Variants in CYP2J2 observed in about 807,000 individuals in gnomAD.
CYP2J2 encodes the protein cytochrome P450 2J2.
A neutral mutation model predicts 48.8 loss-of-function variants in CYP2J2; 41 were observed. The observed-to-expected ratio is 0.84, with a 90% CI of 0.66 to 1.09. The LOEUF is 1.09. Ranked by LOEUF, CYP2J2 falls within the 50% of genes least tolerant of loss-of-function variation. The probability of loss-of-function intolerance (pLI) is 0.00; values close to 1 mark genes in which losing one functional copy is unlikely to be tolerated. For missense variants in CYP2J2, 644 were observed against 617.3 expected, an observed-to-expected ratio of 1.04 and a Z score of -0.46; for synonymous variants, 221 against 227.1, an observed-to-expected ratio of 0.97 and a Z score of 0.24.
Position 59,916,026 on chromosome 1 carries a change from G to A in CYP2J2, c.285C>T (p.Pro95=), listed in dbSNP as rs774241241. The change falls in exon 2 of 9, where the codon CCC becomes CCT. Residue 95 remains proline (P), a synonymous_variant. Coordinates refer to ENST00000371204, the MANE Select transcript of CYP2J2 (RefSeq NM_000775.4). ...TGTGGATAAGGGCTTCTTTGATTAA[G>A]GGCAAGCCAGTAATAAGAACTGCAG... ...DISAVLITGL[P]LIKEALIHMD... is the part of the protein sequence containing the mutation. The A allele has an allele frequency of 9.3e-6, 15 of 1,613,886 alleles. No individual in the cohort carries two copies. Among genetic ancestry groups the A allele is most frequent in the East Asian group, 2.2e-5 (1 of 44,886 alleles).
chr1:59,932,130 A>G, the CYP2J2 span, among the ~76,000 whole-genome samples: 1 of 152,148 alleles, frequency 6.6e-6, no homozygotes, highest in South Asian at 2.1e-4. Context: ...AACTGTAAGC[A>G]AATTTAACCT....
the CYP2J2 span, among the ~76,000 whole-genome samples, chr1:59,946,413 C>T: frequency 6.6e-6 from 1 of 152,202 alleles, no homozygotes; most frequent in African/African-American, 2.4e-5. Context: ...TGTAAAACTG[C>T]AACTCCTTTC....
chr1:59,905,782 GC>G (rs1644359694), intron 6 of CYP2J2, among the ~76,000 whole-genome samples: 1 of 152,192 alleles, frequency 6.6e-6, no homozygotes, highest in East Asian at 1.9e-4. Context: ...AGATAGGACT[GC>G]TCCCAGTTTC....
At chr1:59,954,636 G>A in the CYP2J2 span, among the ~76,000 whole-genome samples, 1,282 of 151,936 alleles carry the variant, frequency 8.4e-3, 11 homozygotes, top group Middle Eastern at 0.014. Context: ...AGTTTCATTT[G>A]TTGCAGAGAT....
At chr1:59,908,567 G>T (rs1273826986) in intron 5 of CYP2J2, among the ~76,000 whole-genome samples, 1 of 152,046 alleles carries the variant, frequency 6.6e-6, no homozygotes, top group East Asian at 1.9e-4. Context: ...ACTTCAATTT[G>T]TCCAATGTTG....
At position 59,920,031 on chromosome 1, in the gene CYP2J2, CAT is replaced by C. The variant is rs11572224; in HGVS notation, c.211-3933_211-3932del. ...AAAAAATGGAATGCACAGCAGATGA[CAT>C]GTGTTATTATGCTGATAGAGAGGGA... is the stretch of plus-strand genomic sequence containing the variant. On this transcript the variant is annotated intron_variant, in intron 1 of 8. Coordinates refer to ENST00000371204, the MANE Select transcript of CYP2J2 (RefSeq NM_000775.4). 1.7e-3 allele frequency among the ~76,000 whole-genome samples: 254 copies of C among 152,040 alleles called. 1 individual carries two copies. Among genetic ancestry groups the C allele is most frequent in the African/African-American group, 5.9e-3 (246 of 41,452 alleles).
At chr1:59,944,112 T>C in the CYP2J2 span, among the ~76,000 whole-genome samples, 1 of 152,184 alleles carries the variant, frequency 6.6e-6, no homozygotes, top group African/African-American at 2.4e-5. Flanking sequence ...TATGTATAGA[T>C]TTCTATAGTT....
At chr1:59,956,439 TA>T in the CYP2J2 span, among the ~76,000 whole-genome samples, 1 of 152,014 alleles carries the variant, frequency 6.6e-6, no homozygotes, top group East Asian at 1.9e-4. Context: ...TGAATATGAG[TA>T]CAGTATTTTA....
At chr1:59,922,092 A>C (rs1644521951) in intron 1 of CYP2J2, among the ~76,000 whole-genome samples, 1 of 152,102 alleles carries the variant, frequency 6.6e-6, no homozygotes, top group African/African-American at 2.4e-5. Context: ...AGCTTTCACT[A>C]TCTTGTGTGT....
upstream of CYP2J2, among the ~76,000 whole-genome samples, chr1:59,927,863 A>G (rs947388506): frequency 1.3e-5 from 2 of 152,192 alleles, no homozygotes; most frequent in Non-Finnish European, 2.9e-5. Context: ...GTGAGCAAGA[A>G]ATGAAATGAG....
intron 7 of CYP2J2, 140 bp downstream of exon 7, chr1:59,904,731 G>T: frequency 1.4e-6 from 1 of 697,400 alleles, no homozygotes; most frequent in Non-Finnish European, 2.3e-6. Context: ...GACTACACAT[G>T]GAGAAAATCT....
chr1:59,933,826 T>C, the CYP2J2 span, among the ~76,000 whole-genome samples: 2 of 152,182 alleles, frequency 1.3e-5, no homozygotes, highest in Admixed American at 6.5e-5. Flanking sequence ...TTTGCAGATT[T>C]AATGTCATCC....
At chr1:59,947,856 C>T in the CYP2J2 span, among the ~76,000 whole-genome samples, 22 of 151,754 alleles carry the variant, frequency 1.4e-4, no homozygotes, top group African/African-American at 5.3e-4. Context: ...GCTGGAATGC[C>T]CTATGCATCC....
chr1:59,938,321 G>A, the CYP2J2 span, among the ~76,000 whole-genome samples: 16,740 of 152,274 alleles, frequency 0.11, 1,183 homozygotes, highest in Admixed American at 0.17. Context: ...CGGTCTCTGA[G>A]TTCCCTCAGT....
chr1:59,939,850 G>A, the CYP2J2 span, among the ~76,000 whole-genome samples: 7 of 152,096 alleles, frequency 4.6e-5, no homozygotes, highest in Non-Finnish European at 8.8e-5. Context: ...TTATCCCATG[G>A]CCACCGCCAC....
At chr1:59,959,190 A>G in the CYP2J2 span, among the ~76,000 whole-genome samples, 1 of 152,192 alleles carries the variant, frequency 6.6e-6, no homozygotes, top group Admixed American at 6.5e-5. Context: ...ATGCCTTAAT[A>G]TTATGAAACA....
rs560559965 is a variant in CYP2J2, at chr1:59,909,729, T to C, written c.861+55A>G. 473 of 1,357,988 alleles carry C rather than the reference T, an allele frequency of 3.5e-4. 8 individuals carry two copies. The South Asian group carries it at 5.2e-3, about 15-fold the overall frequency. The allele number at this position is 1,357,988 out of a possible 1,614,324, so 84.1% of individuals were successfully genotyped here. A position where few individuals can be genotyped will look rare whatever the true frequency, so the allele number is the denominator to read the frequency against. ...TTTTACAGCAGCAGTTGGAAACTAA[T>C]ATACCTCTATTTGTGCTCTAAGAAC... On this transcript the variant is annotated intron_variant, in intron 5 of 8. Coordinates refer to ENST00000371204, the MANE Select transcript of CYP2J2 (RefSeq NM_000775.4).
chr1:59,896,477 T>G (rs1644270681), intron 8 of CYP2J2, among the ~76,000 whole-genome samples: 1 of 152,118 alleles, frequency 6.6e-6, no homozygotes, highest in African/African-American at 2.4e-5. Flanking sequence ...TCCCTTTCTT[T>G]ATTTGCAACT....
chr1:59,918,192 T>G (rs1644483067), intron 1 of CYP2J2, among the ~76,000 whole-genome samples: 1 of 152,216 alleles, frequency 6.6e-6, no homozygotes, highest in African/African-American at 2.4e-5. Context: ...AGCAATTTTT[T>G]TAATGTACCC....
Sources: gnomAD v4.1 joint callset for allele counts (sites outside exome capture counted in the v4.1 genomes callset) on GRCh38, gnomAD v4.1.1 for gene constraint, MANE v1.5 for transcripts, NCBI Gene and HGNC (gene_info 2026-07-23, HGNC 2026-07-21) for gene names.